The following ZZEF1 variants were observed in gnomAD, a reference collection of about 807,000 sequenced individuals.
ZZEF1 encodes zinc finger ZZ-type and EF-hand domain containing 1.
In ZZEF1, 157 loss-of-function variants were observed where a neutral mutation model predicts 342.8. The ratio of observed to expected loss-of-function variants is 0.46; its 90% confidence interval spans 0.40 to 0.52. ZZEF1 has a LOEUF of 0.52. ZZEF1 is among the 20% of genes least tolerant of loss of function. ZZEF1 has a pLI of 0.00. For missense variants in ZZEF1, 3,480 were observed against 3,725.6 expected (o/e 0.93, Z 1.72); for synonymous variants, 1,505 against 1,429.1 (o/e 1.05, Z -1.20).
At chr17:4,012,889 A>AGG (rs1393043494) in intron 52 of ZZEF1, among the ~76,000 whole-genome samples, 1 of 152,218 alleles carries the variant, frequency 6.6e-6, no homozygotes, top group African/African-American at 2.4e-5. Context: ...CTAGTAATAA[A>AGG]TTTAACAAAA....
At chr17:4,022,621 A>C in intron 44 of ZZEF1, 88 bp downstream of exon 44, 1 of 1,590,272 alleles carries the variant, frequency 6.3e-7, no homozygotes, top group Non-Finnish European at 8.6e-7. Flanking sequence ...CACAGGGCAG[A>C]AGCAGCTGGA....
intron 16 of ZZEF1, among the ~76,000 whole-genome samples, chr17:4,082,777 G>C (rs1467314346): frequency 1.3e-5 from 2 of 152,072 alleles, no homozygotes; most frequent in Non-Finnish European, 2.9e-5. Context: ...CTCATAAAGA[G>C]ATATACTTTT....
At chr17:4,094,975 T>C (rs2058008296) in intron 11 of ZZEF1, among the ~76,000 whole-genome samples, 1 of 152,222 alleles carries the variant, frequency 6.6e-6, no homozygotes, top group Non-Finnish European at 1.5e-5. Flanking sequence ...CCTGCTTTTC[T>C]GGAAATGCCT....
intron 52 of ZZEF1, 27 bp from the exon 53 acceptor site, chr17:4,009,784 A>G: frequency 6.2e-7 from 1 of 1,608,824 alleles, no homozygotes; most frequent in Non-Finnish European, 8.5e-7. Flanking sequence ...GGAGGTGGTC[A>G]GTTTACTGAG....
chr17:4,088,441 C>T (rs546673692), intron 13 of ZZEF1, among the ~76,000 whole-genome samples: 3 of 152,264 alleles, frequency 2.0e-5, no homozygotes, highest in Non-Finnish European at 4.4e-5. Flanking sequence ...AGGTCTACTC[C>T]GGGAGAAGCC....
Position 4,006,790 on chromosome 17 carries a change from CTG to C in ZZEF1, c.*98_*99del. 1 of 1,298,482 alleles carries C rather than the reference CTG, an allele frequency of 7.7e-7. No homozygotes were observed. The highest frequency in any genetic ancestry group is 1.1e-6 in the Non-Finnish European group (1 of 918,338). The allele number at this position is 1,298,482 out of a possible 1,614,324, so 80.4% of individuals were successfully genotyped here. On this transcript the variant is annotated 3_prime_UTR_variant, in exon 55 of 55. Transcript: ENST00000381638. ...ACTGGAGTGGTCAGCTCAAGGAGAG[CTG>C]GGCACTGGCGCTACAGGAGTTTTCC...
chr17:4,040,459 A>G (rs944130825), intron 39 of ZZEF1, among the ~76,000 whole-genome samples: 1 of 152,172 alleles, frequency 6.6e-6, no homozygotes, highest in African/African-American at 2.4e-5. Flanking sequence ...AATTACAGAT[A>G]ATTTGCACAC....
At chr17:4,110,273 T>G (rs932693301) in intron 5 of ZZEF1, among the ~76,000 whole-genome samples, 8 of 152,194 alleles carry the variant, frequency 5.3e-5, no homozygotes, top group African/African-American at 1.9e-4. Flanking sequence ...TTGTGAGAAT[T>G]TATTTTTAAT....
At chr17:4,075,826 C>CGG (rs768125442) in intron 21 of ZZEF1, 1 of 74,586 alleles carries the variant, frequency 1.3e-5, no homozygotes, top group Non-Finnish European at 2.6e-5. Flanking sequence ...TTCTTTTGAG[C>CGG]GGGGGGTTGG....
At chr17:4,066,635 C>G (rs2057403900) in intron 27 of ZZEF1, 95 bp from the exon 28 acceptor site, 1 of 993,714 alleles carries the variant, frequency 1.0e-6, no homozygotes, top group African/African-American at 1.6e-5. Flanking sequence ...GCACTGACAC[C>G]ACAGAGTACT....
intron 42 of ZZEF1, among the ~76,000 whole-genome samples, chr17:4,029,950 C>G (rs1235865137): frequency 1.4e-5 from 2 of 146,372 alleles, no homozygotes; most frequent in African/African-American, 2.5e-5. Flanking sequence ...TATCCCAGCA[C>G]TTTGGGAGGC....
chr17:4,113,622 GC>G (rs2145495459), intron 4 of ZZEF1, among the ~76,000 whole-genome samples: 1 of 151,268 alleles, frequency 6.6e-6, no homozygotes, highest in African/African-American at 2.4e-5. Flanking sequence ...CAGAGATCAT[GC>G]CACTGCACTC....
At chr17:4,126,357 AC>A (rs1433371707) in intron 1 of ZZEF1, among the ~76,000 whole-genome samples, 2 of 152,234 alleles carry the variant, frequency 1.3e-5, no homozygotes, top group East Asian at 3.9e-4. Flanking sequence ...GTCATACTAA[AC>A]AAACGCATTT....
At chr17:4,112,874 G>C (rs2058336568) in intron 4 of ZZEF1, 66 bp from the exon 5 acceptor site, 1 of 1,370,942 alleles carries the variant, frequency 7.3e-7, no homozygotes, top group Middle Eastern at 1.9e-4. Flanking sequence ...GGATCCAGAA[G>C]TCCCACCTCA....
rs1296426462 is a variant in ZZEF1 at position 4,085,808 on chromosome 17, T to C, written c.2513-5A>G. On this transcript the variant is annotated splice_region_variant and splice_polypyrimidine_tract_variant and intron_variant, in intron 15 of 54. Transcript: ENST00000381638. ...CTCCATCCACCTTGTCCACCACTGATAAAATGAACAATGGCATCAGCTTTC... is the reference window on the plus strand; with the variant it reads ...CTCCATCCACCTTGTCCACCACTGACAAAATGAACAATGGCATCAGCTTTC... 4 of 1,613,868 alleles carry C rather than the reference T, an allele frequency of 2.5e-6. No individual in the cohort carries two copies. The highest frequency in any genetic ancestry group is 3.4e-6 in the Non-Finnish European group (4 of 1,179,942).
chr17:4,064,067 G>GT (rs1471666712), intron 29 of ZZEF1, among the ~76,000 whole-genome samples: 2 of 151,616 alleles, frequency 1.3e-5, no homozygotes, highest in Non-Finnish European at 2.9e-5. Context: ...AGATGGAGGG[G>GT]GGGGGGTCTC....
chr17:4,106,027 G>C (rs953271366), intron 6 of ZZEF1, among the ~76,000 whole-genome samples: 3 of 152,166 alleles, frequency 2.0e-5, no homozygotes, highest in Admixed American at 2.0e-4. Context: ...TCGGCTCACT[G>C]CAACCTCCAC....
Position 4,064,566 on chromosome 17 carries a change from C to T in ZZEF1, c.4513G>A (p.Ala1505Thr), listed in dbSNP as rs1362889223. The T allele has an allele frequency of 6.2e-7, 1 of 1,614,022 alleles. No individual in the cohort carries two copies. Among genetic ancestry groups the T allele is most frequent in the Non-Finnish European group, 8.5e-7 (1 of 1,180,042 alleles). The change falls in exon 29 of 55, where the codon GCT becomes ACT. Residue 1505 changes from alanine to threonine, a missense_variant. Around this residue, in one of 5 missense-constraint regions of ZZEF1, gnomAD observed 1,528 missense variants for 1,624.1 expected, o/e 0.94. Transcript: ENST00000381638. ...PKLPSSSGLP[A>T]ADVSPATAEE... is the part of the protein sequence containing the mutation. ...GCTGTGGCAGGGGACACGTCTGCAG[C>T]AGGAAGGCCACTGCTGGATGGCAGC...
intron 29 of ZZEF1, among the ~76,000 whole-genome samples, 172 bp downstream of exon 29, chr17:4,064,189 C>T (rs1017368944): frequency 2.1e-4 from 31 of 148,672 alleles, no homozygotes; most frequent in Admixed American, 1.7e-3. Flanking sequence ...CCAAAAATTA[C>T]TTCTTTAAAG....
Sources: gnomAD v4.1 joint callset for allele counts (sites outside exome capture counted in the v4.1 genomes callset) on GRCh38, gnomAD v4.1.1 for gene constraint, gnomAD v4.1.1 regional missense constraint, MANE v1.5 for transcripts, NCBI Gene and HGNC (gene_info 2026-07-23, HGNC 2026-07-21) for gene names.